Variants in CSMD1 observed in about 807,000 individuals in gnomAD.
CSMD1 encodes the protein CUB and sushi domain-containing protein 1.
Under a neutral mutation model 417.5 loss-of-function variants are expected in CSMD1, and 213 were observed. That is an observed-to-expected ratio of 0.51 (90% CI 0.46 to 0.57). The LOEUF is 0.57. CSMD1 is among the 20% of genes least tolerant of loss of function. The probability of loss-of-function intolerance (pLI) is 0.00; values close to 1 mark genes in which losing one functional copy is unlikely to be tolerated. For missense variants in CSMD1, 6,923 were observed against 4,529.7 expected, an observed-to-expected ratio of 1.53 and a Z score of -15.17; for synonymous variants, 2,862 against 1,736.8, an observed-to-expected ratio of 1.65 and a Z score of -16.11.
chr8:4,273,662 G>C (rs1339795875), intron 3 of CSMD1, among the ~76,000 whole-genome samples: 1 of 152,134 alleles, frequency 6.6e-6, no homozygotes, highest in African/African-American at 2.4e-5. Flanking sequence ...GCAGTAATCT[G>C]TAGCAAATAG....
chr8:3,689,145 G>A (rs1056162056), intron 7 of CSMD1, among the ~76,000 whole-genome samples: 1 of 152,142 alleles, frequency 6.6e-6, no homozygotes, highest in Non-Finnish European at 1.5e-5. Flanking sequence ...TTTAAGTTGT[G>A]AGACAACGCG....
At chr8:3,813,224 G>C (rs1484931090) in intron 5 of CSMD1, among the ~76,000 whole-genome samples, 2 of 151,812 alleles carry the variant, frequency 1.3e-5, no homozygotes, top group Non-Finnish European at 2.9e-5. Flanking sequence ...ATAAAAAAGA[G>C]GGTGAAATTG....
intron 3 of CSMD1, among the ~76,000 whole-genome samples, chr8:4,114,745 C>T (rs1011490141): frequency 6.6e-6 from 1 of 152,130 alleles, no homozygotes; most frequent in Non-Finnish European, 1.5e-5. Context: ...CAACACTTTA[C>T]AGTTGAGTTT....
At chr8:3,416,958 C>T (rs1351364503) in intron 12 of CSMD1, among the ~76,000 whole-genome samples, 2 of 152,204 alleles carry the variant, frequency 1.3e-5, no homozygotes, top group Non-Finnish European at 1.5e-5. Flanking sequence ...TGTATATGAA[C>T]AGCAATTTCT....
intron 1 of CSMD1, among the ~76,000 whole-genome samples, chr8:4,923,148 T>C (rs1585336298): frequency 6.6e-6 from 1 of 152,190 alleles, no homozygotes; most frequent in African/African-American, 2.4e-5. Context: ...TTTTAAAATA[T>C]ATAATACCAT....
At chr8:4,351,645 T>C (rs546280161) in intron 3 of CSMD1, among the ~76,000 whole-genome samples, 3 of 152,294 alleles carry the variant, frequency 2.0e-5, no homozygotes, top group African/African-American at 7.2e-5. Context: ...GGGAGGTTTA[T>C]AGGAAAGGCT....
intron 2 of CSMD1, among the ~76,000 whole-genome samples, chr8:4,510,424 C>CAAAAAAAAAAAAAAAAAAAA (rs1225463197): frequency 4.4e-4 from 31 of 70,338 alleles, no homozygotes; most frequent in African/African-American, 1.2e-3. Flanking sequence ...AAAAAAAAAG[C>CAAAAAAAAAAAAAAAAAAAA]AAATACTTTG....
intron 1 of CSMD1, among the ~76,000 whole-genome samples, chr8:4,772,397 G>A (rs532489647): frequency 6.6e-6 from 1 of 152,054 alleles, no homozygotes; most frequent in African/African-American, 2.4e-5. Context: ...GGTTAGGTTG[G>A]GTCCACCCTG....
chr8:3,603,421 A>T (rs1436188360), intron 8 of CSMD1, among the ~76,000 whole-genome samples: 1 of 152,186 alleles, frequency 6.6e-6, no homozygotes, highest in Admixed American at 6.5e-5. Context: ...TGCGAGCTAA[A>T]GCCTCCTTTC....
chr8:3,057,590 T>G (rs1812318800), intron 49 of CSMD1, among the ~76,000 whole-genome samples: 1 of 152,194 alleles, frequency 6.6e-6, no homozygotes, highest in South Asian at 2.1e-4. Flanking sequence ...TCATGCTTTT[T>G]TACTTAATTT....
At chr8:4,084,347 A>C (rs1303561059) in intron 3 of CSMD1, among the ~76,000 whole-genome samples, 3 of 152,068 alleles carry the variant, frequency 2.0e-5, no homozygotes, top group Non-Finnish European at 4.4e-5. Context: ...AAAAAAAACA[A>C]ACTACAACCA....
intron 5 of CSMD1, among the ~76,000 whole-genome samples, chr8:3,821,963 T>A (rs1277439011): frequency 6.6e-6 from 1 of 152,184 alleles, no homozygotes; most frequent in East Asian, 1.9e-4. Context: ...GGCCCTTCTC[T>A]CATGTTTCCC....
intron 3 of CSMD1, among the ~76,000 whole-genome samples, chr8:4,413,760 G>A (rs1411945472): frequency 2.0e-5 from 3 of 151,916 alleles, no homozygotes; most frequent in Admixed American, 1.3e-4. Flanking sequence ...CCCTGCAAAT[G>A]GAGGACAAAC....
chr8:4,788,628 T>G, intron 1 of CSMD1: 1 of 831,300 alleles, frequency 1.2e-6, no homozygotes, highest in East Asian at 2.5e-5. Flanking sequence ...AAACTACAAA[T>G]TTCTAATTTA....
rs1285420553 is a variant in CSMD1 at position 4,095,264 on chromosome 8, CGAG to C, written c.416-63168_416-63166del. On this transcript the variant is annotated intron_variant, in intron 3 of 69. Transcript: ENST00000635120. ...TTTCATGTTCCCTAAGAGGTTCCTC[CGAG>C]GAGATTAAAATGTGTAACCTTTAAT... is the stretch of plus-strand genomic sequence containing the variant. Among the ~76,000 whole-genome samples, 6 of 152,192 alleles carry C rather than the reference CGAG, an allele frequency of 3.9e-5. No individual in the cohort carries two copies. The East Asian group carries it at 1.2e-3, about 29-fold the overall frequency.
chr8:4,567,032 C>T (rs1264065973), intron 2 of CSMD1, among the ~76,000 whole-genome samples: 2 of 152,146 alleles, frequency 1.3e-5, no homozygotes. Context: ...TAACTGGCGT[C>T]CTACGGAGAA....
In CSMD1 at chr8:4,811,765, TCA is replaced by T. The variant is rs375536412; in HGVS notation, c.86-174209_86-174208del. On this transcript the variant is annotated intron_variant, in intron 1 of 69. Transcript: ENST00000635120. ...AAATCTTTTAGTCTCTTTCAAACAT[TCA>T]GTTTATTTTAGGAATATGGTTTAAA... is the stretch of plus-strand genomic sequence containing the variant. 1.6e-4 allele frequency among the ~76,000 whole-genome samples: 24 copies of T among 152,258 alleles called. No individual in the cohort carries two copies. In the East Asian group the frequency reaches 2.7e-3, roughly 17 times the overall value.
chr8:4,950,337 TA>T (rs1808656668), intron 1 of CSMD1, among the ~76,000 whole-genome samples: 1 of 152,096 alleles, frequency 6.6e-6, no homozygotes, highest in East Asian at 1.9e-4. Flanking sequence ...CAGTTGTCTT[TA>T]AAAGACAGAT....
At chr8:4,389,881 A>G (rs1455484686) in intron 3 of CSMD1, among the ~76,000 whole-genome samples, 1 of 152,086 alleles carries the variant, frequency 6.6e-6, no homozygotes, top group East Asian at 1.9e-4. Flanking sequence ...CCCTACTAAC[A>G]AACATGTGGG....
Sources: gnomAD v4.1 joint callset for allele counts (sites outside exome capture counted in the v4.1 genomes callset) on GRCh38, gnomAD v4.1.1 for gene constraint, MANE v1.5 for transcripts, NCBI Gene and HGNC (gene_info 2026-07-23, HGNC 2026-07-21) for gene names.